The following RYR3 variants were observed in gnomAD, a reference collection of about 807,000 sequenced individuals.
RYR3 encodes ryanodine receptor 3.
A neutral mutation model predicts 584.3 loss-of-function variants in RYR3; 207 were observed. That is an observed-to-expected ratio of 0.35 (90% CI 0.32 to 0.40). The LOEUF (loss-of-function observed/expected upper bound fraction) is 0.40. RYR3 is among the 10% of genes least tolerant of loss of function. The pLI is 1.00. For synonymous variants in RYR3, 2,416 were observed against 2,248.5 expected (o/e 1.07, Z -2.11); for missense variants, 5,616 against 6,089.2 (o/e 0.92, Z 2.59).
chr15:33,540,432 A>G (rs1291833211), intron 6 of RYR3, among the ~76,000 whole-genome samples: 3 of 152,048 alleles, frequency 2.0e-5, no homozygotes, highest in Non-Finnish European at 4.4e-5. Context: ...CTGAAGTAAA[A>G]TCTGTGGGCA....
At chr15:33,774,615 A>G (rs2073865989) in intron 64 of RYR3, among the ~76,000 whole-genome samples, 1 of 152,188 alleles carries the variant, frequency 6.6e-6, no homozygotes, top group Non-Finnish European at 1.5e-5. Context: ...ATGTTGTAGA[A>G]ATGTCTGTTT....
At chr15:33,372,480 T>A (rs1028475597) in intron 1 of RYR3, among the ~76,000 whole-genome samples, 1 of 146,682 alleles carries the variant, frequency 6.8e-6, no homozygotes, top group African/African-American at 2.5e-5. Flanking sequence ...TTCTCCTCCC[T>A]CACCCTCCCG....
intron 1 of RYR3, among the ~76,000 whole-genome samples, chr15:33,344,522 T>C (rs1972205120): frequency 6.6e-6 from 1 of 152,174 alleles, no homozygotes; most frequent in Admixed American, 6.5e-5. Flanking sequence ...GAAGACATTT[T>C]GGAATCATCT....
At chr15:33,667,651 A>ATTAT (rs1297620629) in intron 36 of RYR3, among the ~76,000 whole-genome samples, 1 of 152,202 alleles carries the variant, frequency 6.6e-6, no homozygotes, top group Non-Finnish European at 1.5e-5. Context: ...TTACAGTATA[A>ATTAT]TTATTTCTCT....
chr15:33,634,647 A>G lies in RYR3; in HGVS notation c.3089A>G (p.Lys1030Arg). 1 of 1,614,006 alleles carries G rather than the reference A, an allele frequency of 6.2e-7. No individual in the cohort carries two copies. The highest frequency in any genetic ancestry group is 8.5e-7 in the Non-Finnish European group (1 of 1,179,856). The stretch of plus-strand genomic sequence containing the variant: ...TATGCATTACTGGATGAGCGTACCA[A>G]GAAGTCAAACAGGGACAGCCTGCGG... ...VPYALLDERT[K>R]KSNRDSLREA... The change falls in exon 25 of 104, where the codon AAG becomes AGG. Residue 1030 changes from lysine to arginine, a missense_variant. By Grantham distance (26) the Lys-to-Arg change is conservative. Around this residue, in one of 9 missense-constraint regions of RYR3, gnomAD observed 1,284 missense variants for 1,344.6 expected, o/e 0.95. Transcript: ENST00000634891.
In RYR3 at chr15:33,838,439, C is replaced by G; in HGVS notation, c.12459C>G (p.Val4153=). ...AMACASVKRN[V]TDFLKRATLK... ...CCTGTGCCTCTGTGAAGAGGAATGT[C>G]ACCGACTTCCTGAAGAGAGCAACCC... The change falls in exon 89 of 104, where the codon GTC becomes GTG. Residue 4153 remains valine, a synonymous_variant. Transcript: ENST00000634891. 2 of 1,614,028 alleles carry G rather than the reference C, an allele frequency of 1.2e-6. No homozygotes were observed. Among genetic ancestry groups the G allele is most frequent in the Non-Finnish European group, 8.5e-7 (1 of 1,179,902 alleles).
At chr15:33,826,198 A>G (rs191294880) in intron 82 of RYR3, 54 bp from the exon 83 acceptor site, 5 of 1,559,682 alleles carry the variant, frequency 3.2e-6, no homozygotes, top group Non-Finnish European at 4.4e-6. Flanking sequence ...ACAGTTTATC[A>G]TGATGTTTAC....
intron 1 of RYR3, among the ~76,000 whole-genome samples, chr15:33,423,866 T>C (rs1300821154): frequency 6.6e-6 from 1 of 152,190 alleles, no homozygotes; most frequent in Admixed American, 6.5e-5. Flanking sequence ...AGTTAAGGCT[T>C]GTCAGTTGAA....
chr15:33,629,901 C>A, intron 21 of RYR3, 39 bp from the exon 22 acceptor site: 1 of 1,243,342 alleles, frequency 8.0e-7, no homozygotes, highest in South Asian at 1.3e-5. Flanking sequence ...GCCAGCTGGT[C>A]AAAACTTAAA....
chr15:33,801,931 A>C lies in RYR3; in HGVS notation c.9981A>C (p.Leu3327Phe). The C allele has an allele frequency of 6.3e-7, 1 of 1,594,288 alleles. No individual in the cohort carries two copies. The highest frequency in any genetic ancestry group is 8.6e-7 in the Non-Finnish European group (1 of 1,168,132). Residue 3327 changes from leucine to phenylalanine, a missense_variant, in exon 69 of 104, where the codon TTA becomes TTC. Leu to Phe is a conservative substitution (Grantham distance 22). Coordinates refer to ENST00000634891, the MANE Select transcript of RYR3 (RefSeq NM_001036.6). ...ATGAAATTAATAATTTGGCATTTTTAACTGGAGACAGCAAAAGCAAGATGT... is the reference window on the plus strand; with the variant it reads ...ATGAAATTAATAATTTGGCATTTTTCACTGGAGACAGCAAAAGCAAGATGT... ...IQNEINNLAF[L>F]TGDSKSKMSK... is the part of the protein sequence containing the mutation.
intron 1 of RYR3, among the ~76,000 whole-genome samples, chr15:33,436,349 A>G (rs2045726301): frequency 6.6e-6 from 1 of 152,030 alleles, no homozygotes; most frequent in African/African-American, 2.4e-5. Context: ...TCTTTGAAAT[A>G]CCTGCTCATG....
chr15:33,662,462 G>C lies in RYR3; in HGVS notation c.4932G>C (p.Pro1644=). The C allele has an allele frequency of 4.3e-6, 7 of 1,613,970 alleles. No individual in the cohort carries two copies. The highest frequency in any genetic ancestry group is 5.9e-6 in the Non-Finnish European group (7 of 1,179,880). ...TSTTRNIRLF[P]DESKRHGLPG... ...CCACCAGGAATATCCGCCTCTTCCC[G>C]GACGAGTCCAAGAGGCATGGACTGC... Residue 1644 remains proline (P), a synonymous_variant, in exon 35 of 104, where the codon CCG becomes CCC. Transcript: ENST00000634891.
chr15:33,433,086 G>A (rs948315411), intron 1 of RYR3, among the ~76,000 whole-genome samples: 2 of 152,116 alleles, frequency 1.3e-5, no homozygotes, highest in Admixed American at 1.3e-4. Flanking sequence ...ACATTCTAGA[G>A]GAAGATAAAA....
At chr15:33,807,282 C>G (rs12906601) in intron 69 of RYR3, among the ~76,000 whole-genome samples, 1 of 152,064 alleles carries the variant, frequency 6.6e-6, no homozygotes, top group Admixed American at 6.5e-5. Context: ...CAGCCTGGGT[C>G]GGGTCTGAGT....
At chr15:33,642,367 T>G (rs1173252321) in intron 27 of RYR3, among the ~76,000 whole-genome samples, 1 of 152,242 alleles carries the variant, frequency 6.6e-6, no homozygotes, top group African/African-American at 2.4e-5. Context: ...ATGATCTTCA[T>G]GTTCATGGCT....
chr15:33,311,051 C>T lies in RYR3; in HGVS notation c.6C>T (p.Ala2=). The T allele has an allele frequency of 1.3e-6, 2 of 1,579,956 alleles. No homozygotes were observed. Among genetic ancestry groups the T allele is most frequent in the Non-Finnish European group, 8.6e-7 (1 of 1,164,854 alleles). ...CCGCCGACGCCTCGGGAGCCATGGCCGAAGGGGGAGAAGGAGGCGAGGACG... is the reference window on the plus strand; with the variant it reads ...CCGCCGACGCCTCGGGAGCCATGGCTGAAGGGGGAGAAGGAGGCGAGGACG... M[A]EGGEGGEDEI... The change falls in exon 1 of 104, where the codon GCC becomes GCT. Residue 2 remains alanine (A), a synonymous_variant. Coordinates refer to ENST00000634891, the MANE Select transcript of RYR3 (RefSeq NM_001036.6). This position sits in a 1 kb window ranked among gnomAD's most constrained non-coding sequence, Gnocchi z 4.4.
rs536181764 is a variant in RYR3 at position 33,492,037 on chromosome 15, A to C, written c.172-11594A>C. Among the ~76,000 whole-genome samples, 17 of 152,336 alleles carry C rather than the reference A, an allele frequency of 1.1e-4. 2 individuals carry two copies. The highest frequency in any genetic ancestry group is 4.1e-4 in the African/African-American group (17 of 41,580). ...ACATGATTGAAGAAGATATGGCCTG[A>C]GGAGGGGATAGGTCTTTCTATTACC... On this transcript the variant is annotated intron_variant, in intron 2 of 103. Transcript: ENST00000634891.
At chr15:33,624,671 A>C (rs77853484) in intron 20 of RYR3, among the ~76,000 whole-genome samples, 2,105 of 152,328 alleles carry the variant, frequency 0.014, 49 homozygotes, top group African/African-American at 0.048. Flanking sequence ...AAATGCTGAT[A>C]AATGGATATT....
chr15:33,481,381 C>T (rs2596170), intron 2 of RYR3, among the ~76,000 whole-genome samples: 64,358 of 151,976 alleles, frequency 0.42, 14,967 homozygotes, highest in Non-Finnish European at 0.52. Flanking sequence ...TTTTGTTCTT[C>T]TGTTTCTCCT....
Sources: gnomAD v4.1 joint callset for allele counts (sites outside exome capture counted in the v4.1 genomes callset) on GRCh38, gnomAD v4.1.1 for gene constraint, gnomAD v4.1.1 regional missense constraint, Gnocchi (gnomAD v3.1) non-coding constraint, MANE v1.5 for transcripts, NCBI Gene and HGNC (gene_info 2026-07-23, HGNC 2026-07-21) for gene names.